CDKAL1: variants seen among roughly 807,000 people sequenced by gnomAD.
CDKAL1 encodes CDKAL1 threonylcarbamoyladenosine tRNA methylthiotransferase, also known as threonylcarbamoyladenosine tRNA methylthiotransferase.
A neutral mutation model predicts 68.2 loss-of-function variants in CDKAL1; 32 were observed. That is an observed-to-expected ratio of 0.47 (90% CI 0.35 to 0.63). The LOEUF is 0.63. Ranked by LOEUF, CDKAL1 falls within the 30% of genes least tolerant of loss-of-function variation. The probability of loss-of-function intolerance (pLI) is 0.00; values close to 1 mark genes in which losing one functional copy is unlikely to be tolerated. For missense variants in CDKAL1, 606 were observed against 696.7 expected (o/e 0.87, Z 1.47); for synonymous variants, 234 against 244.3 (o/e 0.96, Z 0.39).
intron 9 of CDKAL1, among the ~76,000 whole-genome samples, chr6:20,878,667 C>T (rs866248664): frequency 5.3e-5 from 8 of 151,832 alleles, no homozygotes; most frequent in Admixed American, 1.3e-4. Flanking sequence ...GGGGAGTGGG[C>T]GGAGGTTGCA....
chr6:20,617,904 A>G (rs895876891), intron 4 of CDKAL1, among the ~76,000 whole-genome samples: 1 of 152,204 alleles, frequency 6.6e-6, no homozygotes, highest in African/African-American at 2.4e-5. Context: ...TTATAGCAGT[A>G]TGATTTATAA....
intron 5 of CDKAL1, among the ~76,000 whole-genome samples, chr6:20,730,880 G>A (rs1332536184): frequency 6.6e-6 from 1 of 150,520 alleles, no homozygotes; most frequent in African/African-American, 2.4e-5. Flanking sequence ...GAGAAATAAA[G>A]CAGGGAAGCA....
chr6:20,562,196 G>A (rs1372239498), intron 4 of CDKAL1, among the ~76,000 whole-genome samples: 1 of 152,072 alleles, frequency 6.6e-6, no homozygotes, highest in Non-Finnish European at 1.5e-5. Context: ...TATTTGCAAC[G>A]GTTGGTAAAG....
chr6:20,627,964 T>C (rs1267237752), intron 4 of CDKAL1, among the ~76,000 whole-genome samples: 2 of 152,160 alleles, frequency 1.3e-5, no homozygotes, highest in African/African-American at 4.8e-5. Context: ...GAAGTCACTT[T>C]ATTCTAGGAG....
chr6:20,768,993 G>A (rs1046667236), intron 7 of CDKAL1, among the ~76,000 whole-genome samples: 1 of 152,062 alleles, frequency 6.6e-6, no homozygotes, highest in African/African-American at 2.4e-5. Flanking sequence ...GCCATGGTAA[G>A]CCCCTGTTCT....
Position 20,846,091 on chromosome 6 carries a change from A to T in CDKAL1, c.655A>T (p.Thr219Ser). Residue 219 changes from threonine (T) to serine (S), a missense_variant, in exon 9 of 16, where the codon ACC (threonine) becomes TCC (serine). Physicochemically the swap from Thr to Ser is moderately conservative, Grantham distance 58. Coordinates refer to ENST00000274695, the MANE Select transcript of CDKAL1 (RefSeq NM_017774.3). ...SINTGCLNAC[T>S]YCKTKHARGN... The stretch of plus-strand genomic sequence containing the variant: ...TTTGAACAGGTGTCTCAATGCTTGT[A>T]CCTACTGCAAAACTAAACACGCCAG... The T allele has an allele frequency of 6.2e-7, 1 of 1,611,924 alleles. No homozygotes were observed.
intron 5 of CDKAL1, among the ~76,000 whole-genome samples, chr6:20,692,290 G>A (rs1417855607): frequency 1.3e-5 from 2 of 152,146 alleles, no homozygotes; most frequent in African/African-American, 4.8e-5. Flanking sequence ...GTAGAGAAGT[G>A]TTCTCAGTTT....
At position 21,186,974 on chromosome 6, in the gene CDKAL1, T is replaced by G. The variant is rs141487756; in HGVS notation, c.1300-11047T>G. ...GTGAAATTTGTTTGAATAATATATT[T>G]TATTTACTCCAGTATATCAAAACTA... On this transcript the variant is annotated intron_variant, in intron 13 of 15. Transcript: ENST00000274695. Among the ~76,000 whole-genome samples, 640 of 152,316 alleles carry G rather than the reference T, an allele frequency of 4.2e-3. 5 individuals are homozygous for G. The highest frequency in any genetic ancestry group is 0.015 in the African/African-American group (605 of 41,564).
At chr6:20,590,560 A>C (rs1323007524) in intron 4 of CDKAL1, among the ~76,000 whole-genome samples, 3 of 149,378 alleles carry the variant, frequency 2.0e-5, no homozygotes, top group Non-Finnish European at 3.0e-5. Context: ...CCCTGTGTCC[A>C]TGTGTTCTCA....
intron 4 of CDKAL1, among the ~76,000 whole-genome samples, chr6:20,631,660 G>C (rs760786370): frequency 6.6e-6 from 1 of 152,184 alleles, no homozygotes; most frequent in African/African-American, 2.4e-5. Context: ...CAGCTTGCCA[G>C]GTCCCAGACT....
At chr6:20,696,969 T>A (rs1771135130) in intron 5 of CDKAL1, among the ~76,000 whole-genome samples, 2 of 152,212 alleles carry the variant, frequency 1.3e-5, no homozygotes, top group South Asian at 4.1e-4. Flanking sequence ...TATGTGTTGC[T>A]TTACCACATA....
In CDKAL1 at chr6:20,830,280, T is replaced by C. The variant is rs192535218; in HGVS notation, c.639-15795T>C. On this transcript the variant is annotated intron_variant, in intron 8 of 15. Coordinates refer to ENST00000274695, the MANE Select transcript of CDKAL1 (RefSeq NM_017774.3). ...ATGATAGTAGACATATGACTCTCTT[T>C]TCCCTTTCTTCAAACCAATAAATTA... Among the ~76,000 whole-genome samples, 80 of 152,332 alleles carry C rather than the reference T, an allele frequency of 5.3e-4. No homozygotes were observed. The Middle Eastern group carries it at 0.01, about 19-fold the overall frequency.
chr6:21,169,461 C>A (rs1777285369), intron 13 of CDKAL1, among the ~76,000 whole-genome samples: 5 of 152,164 alleles, frequency 3.3e-5, no homozygotes, highest in Admixed American at 3.3e-4. Context: ...ATGGCGAAAC[C>A]CTGTCTCTAC....
At chr6:20,626,964 T>G (rs1581849497) in intron 4 of CDKAL1, among the ~76,000 whole-genome samples, 1 of 152,218 alleles carries the variant, frequency 6.6e-6, no homozygotes, top group Non-Finnish European at 1.5e-5. Flanking sequence ...TTTTCTAGCC[T>G]CTACTGTAGA....
intron 5 of CDKAL1, among the ~76,000 whole-genome samples, chr6:20,739,199 G>C (rs918015980): frequency 2.6e-5 from 4 of 152,276 alleles, no homozygotes; most frequent in African/African-American, 9.6e-5. Flanking sequence ...GAGTTAGCTT[G>C]CCTATCTGGA....
intron 11 of CDKAL1, among the ~76,000 whole-genome samples, chr6:21,017,783 G>A (rs1356970894): frequency 2.0e-5 from 3 of 151,866 alleles, no homozygotes; most frequent in Non-Finnish European, 4.4e-5. Context: ...CCTTTACACA[G>A]CCTTGGTATC....
At chr6:20,771,510 C>G (rs189533137) in intron 7 of CDKAL1, among the ~76,000 whole-genome samples, 1 of 152,296 alleles carries the variant, frequency 6.6e-6, no homozygotes, top group Non-Finnish European at 1.5e-5. Flanking sequence ...TTCTGTCACA[C>G]TTTATGGTGG....
intron 6 of CDKAL1, among the ~76,000 whole-genome samples, chr6:20,745,294 T>C (rs1334284048): frequency 6.6e-6 from 1 of 152,204 alleles, no homozygotes; most frequent in Non-Finnish European, 1.5e-5. Context: ...AATTTGAGAA[T>C]ATTTCTATCG....
At chr6:20,927,804 T>C (rs1019217136) in intron 9 of CDKAL1, among the ~76,000 whole-genome samples, 1 of 152,184 alleles carries the variant, frequency 6.6e-6, no homozygotes, top group Non-Finnish European at 1.5e-5. Flanking sequence ...ATAAACACTA[T>C]ACATCTTTAA....
Sources: allele counts gnomAD v4.1 joint callset (sites outside exome capture counted in the v4.1 genomes callset), GRCh38; gene constraint gnomAD v4.1.1; transcripts MANE v1.5; gene names NCBI Gene and HGNC (gene_info 2026-07-23, HGNC 2026-07-21).